TECR: variants seen among roughly 807,000 people sequenced by gnomAD.
TECR encodes the protein trans-2,3-enoyl-CoA reductase, also known as very-long-chain enoyl-CoA reductase.
TECR carries 19 observed loss-of-function variants against 50.6 expected under a neutral mutation model. The observed-to-expected ratio is 0.38, with a 90% confidence interval of 0.26 to 0.55. The LOEUF (loss-of-function observed/expected upper bound fraction) is 0.55, where lower values mean the gene tolerates loss of function less well. Among genes scored for constraint, TECR ranks in the 20% least tolerant of loss-of-function variants. The pLI is 0.79. For synonymous variants in TECR, 168 were observed against 163.5 expected, an observed-to-expected ratio of 1.03 and a Z score of -0.21; for missense variants, 313 against 408.3, an observed-to-expected ratio of 0.77 and a Z score of 2.01.
chr19:14,554,253 C>T (rs565852097), intron 1 of TECR, among the ~76,000 whole-genome samples: 29 of 152,300 alleles, frequency 1.9e-4, no homozygotes, highest in South Asian at 8.4e-4. Flanking sequence ...GTTCCAGCCC[C>T]GGGCAGGGAA....
At chr19:14,546,090 G>A (rs537449890) in intron 1 of TECR, among the ~76,000 whole-genome samples, 2 of 152,280 alleles carry the variant, frequency 1.3e-5, no homozygotes, top group East Asian at 3.9e-4. Context: ...AGTGATCCAT[G>A]CTAGCTCGTC....
At position 14,562,316 on chromosome 19, in the gene TECR, G is replaced by A. The variant is rs952098507; in HGVS notation, c.16-209G>A. 32 of 652,456 alleles carry A rather than the reference G, an allele frequency of 4.9e-5. No homozygotes were observed. The African/African-American group carries it at 5.4e-4, about 11-fold the overall frequency. The allele number at this position is 652,456 out of a possible 1,614,324, so 40.4% of individuals were successfully genotyped here. A position where few individuals can be genotyped will look rare whatever the true frequency, so the allele number is the denominator to read the frequency against. ...AGGGCTGCTTCCCGTGGGGAGGTCG[G>A]TGGTGGGGGCTGACGGCCGGCAGCT... On this transcript the variant is annotated intron_variant, in intron 1 of 12. Transcript: ENST00000215567.
chr19:14,546,847 G>A (rs531007532), intron 1 of TECR, among the ~76,000 whole-genome samples: 38 of 152,136 alleles, frequency 2.5e-4, no homozygotes, highest in African/African-American at 6.7e-4. Flanking sequence ...ACACCACTAC[G>A]CCCAGCTAAC....
chr19:14,562,307 G>C, intron 1 of TECR: 4 of 639,814 alleles, frequency 6.3e-6, no homozygotes, highest in Non-Finnish European at 1.1e-5. Flanking sequence ...GCTTCCCGTG[G>C]GGAGGTCGGT....
intron 1 of TECR, among the ~76,000 whole-genome samples, chr19:14,549,646 CTT>C (rs1354326169): frequency 4.0e-5 from 6 of 151,816 alleles, no homozygotes; most frequent in African/African-American, 1.2e-4. Flanking sequence ...CTTTTGGCCT[CTT>C]TATAAAATAC....
intron 1 of TECR, among the ~76,000 whole-genome samples, chr19:14,557,099 T>C (rs891204301): frequency 1.4e-5 from 2 of 142,696 alleles, no homozygotes; most frequent in Non-Finnish European, 3.1e-5. Context: ...GCTGTTCTGC[T>C]AGTGTTGGTC....
intron 1 of TECR, 44 bp downstream of exon 1, chr19:14,529,755 T>TTC (rs2072545441): frequency 6.2e-7 from 1 of 1,613,472 alleles, no homozygotes. Context: ...TGCTGACCCA[T>TTC]TCTTTTTCCT....
Position 14,563,219 on chromosome 19 carries a change from C to G in TECR, c.80C>G (p.Ala27Gly). 6.2e-7 allele frequency: 1 copy of G among 1,613,716 alleles called. No individual in the cohort carries two copies. The highest frequency in any genetic ancestry group is 8.5e-7 in the Non-Finnish European group (1 of 1,179,858). Residue 27 changes from alanine to glycine, a missense_variant, in exon 3 of 13, where the codon GCC becomes GGC. Coordinates refer to ENST00000215567, the MANE Select transcript of TECR (RefSeq NM_138501.6). This position sits in a 1 kb window ranked among gnomAD's most constrained non-coding sequence, Gnocchi z 5.3. Reference sequence around the variant, plus strand: ...TGCTTCCCCCAGGTGGAGCCCCACGCCACCATTGCGGAGATCAAGAACCTC... The same window carrying G: ...TGCTTCCCCCAGGTGGAGCCCCACGGCACCATTGCGGAGATCAAGAACCTC... The part of the protein sequence containing the change: ...LCFLDKVEPH[A>G]TIAEIKNLFT...
At position 14,564,274 on chromosome 19, in the gene TECR, G is replaced by T. The variant is rs367816943; in HGVS notation, c.476G>T (p.Arg159Leu). The T allele has an allele frequency of 1.2e-6, 2 of 1,605,002 alleles. No individual in the cohort carries two copies. The highest frequency in any genetic ancestry group is 1.1e-5 in the South Asian group (1 of 91,062). The change falls in exon 7 of 13, where the codon CGC (arginine) becomes CTC (leucine). Residue 159 changes from arginine to leucine, a missense_variant. Transcript: ENST00000215567. ...TTCTCCCATGGCACTATGCCTTTGCGCAACATCTTCAAGGTGAGAGCCCGT... is the reference window on the plus strand; with the variant it reads ...TTCTCCCATGGCACTATGCCTTTGCTCAACATCTTCAAGGTGAGAGCCCGT... ...HRFSHGTMPL[R>L]NIFKNCTYYW...
intron 1 of TECR, among the ~76,000 whole-genome samples, chr19:14,543,717 C>T (rs2073207777): frequency 6.8e-6 from 1 of 146,420 alleles, no homozygotes; most frequent in African/African-American, 2.5e-5. Flanking sequence ...GGATTACAGG[C>T]GTGAGCCACC....
At position 14,563,344 on chromosome 19, in the gene TECR, C is replaced by G; in HGVS notation, c.118+87C>G. The G allele has an allele frequency of 7.7e-7, 1 of 1,296,234 alleles. No individual in the cohort carries two copies. Among genetic ancestry groups the G allele is most frequent in the Non-Finnish European group, 1.1e-6 (1 of 897,450 alleles). 80.3% of individuals were successfully genotyped at this position (1,296,234 alleles called of 1,614,324 possible). On this transcript the variant is annotated intron_variant, in intron 3 of 12. Transcript: ENST00000215567. This position sits in a 1 kb window ranked among gnomAD's most constrained non-coding sequence, Gnocchi z 5.3. Reference sequence around the variant, plus strand: ...GAGGGATCCCATCCTGCACCCCTCTCCCAGGGGCCTGCAGAGATGCCCCAG... The same window carrying G: ...GAGGGATCCCATCCTGCACCCCTCTGCCAGGGGCCTGCAGAGATGCCCCAG...
At position 14,563,560 on chromosome 19, in the gene TECR, G is replaced by C; in HGVS notation, c.119-98G>C. 6.5e-7 allele frequency: 1 copy of C among 1,537,792 alleles called. No individual in the cohort carries two copies. On this transcript the variant is annotated intron_variant, in intron 3 of 12. Coordinates refer to ENST00000215567, the MANE Select transcript of TECR (RefSeq NM_138501.6). This position sits in a 1 kb window ranked among gnomAD's most constrained non-coding sequence, Gnocchi z 5.3. ...GGAGCTGTGGAGTCCTGGGGTCCTT[G>C]CACCCTGGGAACCCTGAGAAGCTGG... is the stretch of plus-strand genomic sequence containing the variant.
chr19:14,538,518 C>T lies in TECR; in HGVS notation c.15+8807C>T, dbSNP rs1055310442. On this transcript the variant is annotated intron_variant, in intron 1 of 12. Coordinates refer to ENST00000215567, the MANE Select transcript of TECR (RefSeq NM_138501.6). ...TTGGCACCTGACCTCTTTGGAAGGC[C>T]TCAAAACTCTTTTTTTTCTTTTTTT... 8.3e-5 allele frequency among the ~76,000 whole-genome samples: 12 copies of T among 144,872 alleles called. 1 individual carries two copies. The highest frequency in any genetic ancestry group is 6.5e-4 in the Admixed American group (9 of 13,898).
At chr19:14,544,085 A>G (rs577344186) in intron 1 of TECR, among the ~76,000 whole-genome samples, 2 of 152,184 alleles carry the variant, frequency 1.3e-5, no homozygotes, top group African/African-American at 2.4e-5. Context: ...GGGGATCCAC[A>G]GAGGACAGAG....
chr19:14,528,561 T>A (rs2072491109), upstream of TECR, among the ~76,000 whole-genome samples: 2 of 152,042 alleles, frequency 1.3e-5, no homozygotes, highest in Non-Finnish European at 2.9e-5. Context: ...TTTCAAGGGC[T>A]CAGTGGCCCC....
chr19:14,562,962 G>T (rs1228670372), intron 2 of TECR, among the ~76,000 whole-genome samples: 2 of 152,050 alleles, frequency 1.3e-5, no homozygotes, highest in Non-Finnish European at 2.9e-5. Flanking sequence ...TGCTTAATCC[G>T]CCACTAGCCG....
intron 1 of TECR, among the ~76,000 whole-genome samples, chr19:14,551,316 C>T (rs919099572): frequency 6.6e-6 from 1 of 152,058 alleles, no homozygotes; most frequent in African/African-American, 2.4e-5. Flanking sequence ...CTCAGGTGAT[C>T]CACCCACCTC....
In TECR at chr19:14,563,722, C is replaced by G; in HGVS notation, c.163+20C>G. 1 of 1,613,144 alleles carries G rather than the reference C, an allele frequency of 6.2e-7. No homozygotes were observed. Among genetic ancestry groups the G allele is most frequent in the East Asian group, 2.2e-5 (1 of 44,876 alleles). On this transcript the variant is annotated intron_variant, in intron 4 of 12. Transcript: ENST00000215567. This position sits in a 1 kb window ranked among gnomAD's most constrained non-coding sequence, Gnocchi z 5.3. ...ACCCCAGTGAGTACAGCTGTCCACT[C>G]GGCCCGCCCCCTGGGCTCCTGGGTG... is the stretch of plus-strand genomic sequence containing the variant.
chr19:14,563,407 C>T lies in TECR; in HGVS notation c.118+150C>T. On this transcript the variant is annotated intron_variant, in intron 3 of 12. Transcript: ENST00000215567. The surrounding 1 kb of genome is among the most constrained non-coding windows in gnomAD (Gnocchi z 5.3). ...TTCTGGGGCGTGACTGGGGCAGGCG[C>T]CTCCACGTGGCACTCCGCAGGAACG... The T allele has an allele frequency of 1.1e-6, 1 of 878,910 alleles. No homozygotes were observed. The highest frequency in any genetic ancestry group is 2.4e-4 in the Middle Eastern group (1 of 4,100). 54.4% of individuals were successfully genotyped at this position (878,910 alleles called of 1,614,324 possible).
Sources: gnomAD v4.1 joint callset for allele counts (sites outside exome capture counted in the v4.1 genomes callset) on GRCh38, gnomAD v4.1.1 for gene constraint, Gnocchi (gnomAD v3.1) non-coding constraint, MANE v1.5 for transcripts, NCBI Gene and HGNC (gene_info 2026-07-23, HGNC 2026-07-21) for gene names.